Variants in NRG1 observed in about 807,000 individuals in gnomAD.
NRG1 encodes the protein neuregulin 1.
Under a neutral mutation model 63.8 loss-of-function variants are expected in NRG1, and 18 were observed. The ratio of observed to expected loss-of-function variants is 0.28; its 90% CI spans 0.19 to 0.42. The LOEUF is 0.42. Among genes scored for constraint, NRG1 ranks in the 10% least tolerant of loss-of-function variants. The pLI, the probability that NRG1 is intolerant of heterozygous loss-of-function variation, is 1.00. For synonymous variants in NRG1, 302 were observed against 301.3 expected (o/e 1.00, Z -0.02); for missense variants, 762 against 814.7 (o/e 0.94, Z 0.79).
chr8:32,406,994 C>T (rs1814079630), intron 1 of NRG1, among the ~76,000 whole-genome samples: 2 of 151,878 alleles, frequency 1.3e-5, no homozygotes, highest in African/African-American at 4.8e-5. Context: ...ATCAGGCTAT[C>T]ATGGGAAGAG....
chr8:32,126,409 A>G (rs186700794), intron 1 of NRG1, among the ~76,000 whole-genome samples: 53 of 151,988 alleles, frequency 3.5e-4, no homozygotes, highest in Admixed American at 3.1e-3. Context: ...ACAAGGATAC[A>G]ATAAAATGAA....
intron 1 of NRG1, among the ~76,000 whole-genome samples, chr8:32,285,990 T>A (rs1853475762): frequency 6.6e-6 from 1 of 152,190 alleles, no homozygotes; most frequent in Non-Finnish European, 1.5e-5. Context: ...TCATAAGTAC[T>A]GCACCTGTGA....
rs1449444992 is a variant in NRG1 at position 32,083,195 on chromosome 8, A to G, written c.37+443764A>G. ...TTTATGAGAGCTTGTTAAAACACAT[A>G]CATGCACACAAAGTTGAATGAATAA... On this transcript the variant is annotated intron_variant, in intron 1 of 10. Transcript: ENST00000519301. Among the ~76,000 whole-genome samples, 10 of 152,206 alleles carry G rather than the reference A, an allele frequency of 6.6e-5. 1 individual carries two copies. Among genetic ancestry groups the G allele is most frequent in the Admixed American group, 6.5e-4 (10 of 15,268 alleles).
chr8:32,396,132 A>T (rs1272783825), intron 1 of NRG1, among the ~76,000 whole-genome samples: 1 of 152,192 alleles, frequency 6.6e-6, no homozygotes, highest in East Asian at 1.9e-4. Context: ...CTTTAGCTTT[A>T]TAATAAATCT....
At chr8:32,504,972 C>T (rs1828347608) in intron 1 of NRG1, among the ~76,000 whole-genome samples, 1 of 152,098 alleles carries the variant, frequency 6.6e-6, no homozygotes, top group African/African-American at 2.4e-5. Context: ...AGAGATGGCC[C>T]TCAGGTCCTT....
chr8:32,214,661 A>AAG (rs10572464), intron 1 of NRG1, among the ~76,000 whole-genome samples: 5 of 150,998 alleles, frequency 3.3e-5, no homozygotes, highest in East Asian at 2.0e-4. Context: ...GAGAAAAAGA[A>AAG]AGAGAGAGAG....
intron 1 of NRG1, among the ~76,000 whole-genome samples, chr8:31,778,716 C>T (rs1436735662): frequency 6.6e-6 from 1 of 152,188 alleles, no homozygotes; most frequent in Admixed American, 6.5e-5. Flanking sequence ...CCATTTAATC[C>T]TCTCCATGAC....
At chr8:32,697,524 TG>T (rs1355762772) in intron 5 of NRG1, among the ~76,000 whole-genome samples, 1 of 152,226 alleles carries the variant, frequency 6.6e-6, no homozygotes, top group African/African-American at 2.4e-5. Flanking sequence ...CAGTCTTTCC[TG>T]GGGCTGGTAT....
intron 1 of NRG1, among the ~76,000 whole-genome samples, chr8:32,084,853 A>G (rs899584611): frequency 3.3e-5 from 5 of 152,188 alleles, no homozygotes; most frequent in African/African-American, 1.2e-4. Context: ...ACACAGGCTA[A>G]TCTTGGCTTT....
chr8:31,932,779 C>T (rs543431540), intron 1 of NRG1, among the ~76,000 whole-genome samples: 52 of 152,246 alleles, frequency 3.4e-4, no homozygotes, highest in African/African-American at 1.2e-3. Context: ...TTGCATTTTT[C>T]TGAAAATCAG....
chr8:31,657,594 A>G (rs964366579), intron 1 of NRG1, among the ~76,000 whole-genome samples: 8 of 152,158 alleles, frequency 5.3e-5, no homozygotes, highest in African/African-American at 1.9e-4. Flanking sequence ...TAAGTCTGGG[A>G]GCTCTTGGAA....
At chr8:32,280,680 GTTTTTTTTTTGTTTTTT>G (rs1328025302) in intron 1 of NRG1, among the ~76,000 whole-genome samples, 26 of 53,760 alleles carry the variant, frequency 4.8e-4, no homozygotes, top group African/African-American at 1.5e-3. Context: ...ACTGAATTAG[GTTTTTTTTTTGTTTTTT>G]TTTTTTTTTT....
chr8:31,783,942 A>T (rs1410466306), intron 1 of NRG1, among the ~76,000 whole-genome samples: 1 of 152,160 alleles, frequency 6.6e-6, no homozygotes, highest in Non-Finnish European at 1.5e-5. Context: ...TTCTTATACA[A>T]TATTTATAAA....
chr8:32,547,306 T>C (rs1292577230), upstream of NRG1, among the ~76,000 whole-genome samples: 1 of 152,170 alleles, frequency 6.6e-6, no homozygotes, highest in African/African-American at 2.4e-5. Flanking sequence ...CGCGCAGTTC[T>C]GAGTAAAGTT....
chr8:31,735,087 T>C (rs1403711700), intron 1 of NRG1, among the ~76,000 whole-genome samples: 1 of 152,000 alleles, frequency 6.6e-6, no homozygotes, highest in African/African-American at 2.4e-5. Context: ...TTACTAATTC[T>C]ACTGGGGGAA....
At chr8:32,198,883 AAT>A (rs544913765) in intron 1 of NRG1, among the ~76,000 whole-genome samples, 28 of 150,880 alleles carry the variant, frequency 1.9e-4, no homozygotes, top group African/African-American at 2.7e-4. Flanking sequence ...CATATATCTT[AAT>A]ATATATATAT....
At chr8:32,455,281 G>T (rs919435734) in intron 1 of NRG1, among the ~76,000 whole-genome samples, 2 of 152,110 alleles carry the variant, frequency 1.3e-5, no homozygotes, top group Admixed American at 1.3e-4. Flanking sequence ...GGTACCATAC[G>T]TGATCCTACC....
intron 1 of NRG1, among the ~76,000 whole-genome samples, chr8:32,472,182 C>T (rs1823929182): frequency 6.6e-6 from 1 of 151,900 alleles, no homozygotes; most frequent in African/African-American, 2.4e-5. Flanking sequence ...GGCGTTTATT[C>T]TTTTTTTTGA....
intron 1 of NRG1, among the ~76,000 whole-genome samples, chr8:31,695,858 C>T (rs1474960462): frequency 1.8e-4 from 2 of 10,854 alleles, no homozygotes; most frequent in East Asian, 0.048. Context: ...ACATAATAAT[C>T]AAATATGAGA....
Sources: allele counts gnomAD v4.1 joint callset (sites outside exome capture counted in the v4.1 genomes callset), GRCh38; gene constraint gnomAD v4.1.1; transcripts MANE v1.5; gene names NCBI Gene and HGNC (gene_info 2026-07-23, HGNC 2026-07-21).